EPG5: variants seen among roughly 807,000 people sequenced by gnomAD.
EPG5 encodes the protein ectopic P granules protein 5 homolog.
Under a neutral mutation model 302.7 loss-of-function variants are expected in EPG5, and 159 were observed. The observed-to-expected ratio is 0.53, with a 90% CI of 0.46 to 0.60. The LOEUF (loss-of-function observed/expected upper bound fraction) is 0.60. EPG5 is among the 20% of genes least tolerant of loss of function. The probability of loss-of-function intolerance (pLI) is 0.00; values close to 1 mark genes in which losing one functional copy is unlikely to be tolerated. For missense variants in EPG5, 2,896 were observed against 3,092.4 expected (o/e 0.94, Z 1.51); for synonymous variants, 1,158 against 1,136.8 (o/e 1.02, Z -0.37).
the EPG5 span, among the ~76,000 whole-genome samples, chr18:45,841,803 A>G: frequency 6.6e-6 from 1 of 152,194 alleles, no homozygotes; most frequent in Non-Finnish European, 1.5e-5. Flanking sequence ...AAGTCAGGAA[A>G]GCAGTTGGGG....
intron 10 of EPG5, among the ~76,000 whole-genome samples, chr18:45,937,283 T>G (rs2050554961): frequency 6.8e-6 from 1 of 146,606 alleles, no homozygotes. Context: ...CACACATATG[T>G]ATACACACAC....
At chr18:45,925,683 T>C in intron 14 of EPG5, 55 bp downstream of exon 14, 11 of 1,336,862 alleles carry the variant, frequency 8.2e-6, no homozygotes, top group Non-Finnish European at 1.1e-5. Flanking sequence ...AAATCCTTCT[T>C]TGAAACAGAT....
the EPG5 span, among the ~76,000 whole-genome samples, chr18:45,801,145 T>C: frequency 7.9e-5 from 12 of 152,296 alleles, no homozygotes; most frequent in African/African-American, 2.6e-4. Flanking sequence ...CAAGCAGTTC[T>C]CCTGCCTTAG....
intron 35 of EPG5, among the ~76,000 whole-genome samples, chr18:45,875,678 C>T (rs1022691380): frequency 5.3e-5 from 8 of 152,020 alleles, no homozygotes; most frequent in African/African-American, 1.5e-4. Context: ...ACATGCAGGA[C>T]AGGCAATATT....
chr18:45,906,296 CCAAA>C (rs2049749892), intron 24 of EPG5, among the ~76,000 whole-genome samples: 1 of 152,142 alleles, frequency 6.6e-6, no homozygotes, highest in Non-Finnish European at 1.5e-5. Context: ...CAATAGTTCT[CCAAA>C]CAAAGACTTC....
At chr18:45,811,793 A>C in the EPG5 span, among the ~76,000 whole-genome samples, 2 of 152,218 alleles carry the variant, frequency 1.3e-5, no homozygotes, top group African/African-American at 2.4e-5. Flanking sequence ...ATTTATGACA[A>C]ACCCACAGCC....
In EPG5 at chr18:45,889,859, C is replaced by G; in HGVS notation, c.4891G>C (p.Ala1631Pro). 1.9e-6 allele frequency: 3 copies of G among 1,612,336 alleles called. No homozygotes were observed. The highest frequency in any genetic ancestry group is 2.5e-6 in the Non-Finnish European group (3 of 1,179,054). Residue 1631 changes from alanine to proline, a missense_variant, in exon 28 of 44, where the codon GCT (alanine) becomes CCT (proline). By Grantham distance (27) the Ala-to-Pro change is conservative. Coordinates refer to ENST00000282041, the MANE Select transcript of EPG5 (RefSeq NM_020964.3). ...ATATTAAGTGATGGTGGTTTAGCAGCTTCTGCTTGCAACTGCTTCACTTCC... is the reference window on the plus strand; with the variant it reads ...ATATTAAGTGATGGTGGTTTAGCAGGTTCTGCTTGCAACTGCTTCACTTCC... ...RKEVKQLQAE[A>P]AKPPSLNIVE...
At chr18:45,876,368 A>G in intron 34 of EPG5, 26 bp from the exon 35 acceptor site, 1 of 1,572,088 alleles carries the variant, frequency 6.4e-7, no homozygotes, top group Non-Finnish European at 8.8e-7. Context: ...GCACACACTT[A>G]GGAATGCAAC....
chr18:45,864,000 T>C (rs972911763), intron 39 of EPG5, among the ~76,000 whole-genome samples: 1 of 152,196 alleles, frequency 6.6e-6, no homozygotes, highest in Non-Finnish European at 1.5e-5. Flanking sequence ...CAGATATTGC[T>C]TCTCCCCAGT....
chr18:45,803,162 C>T, the EPG5 span, among the ~76,000 whole-genome samples: 49 of 152,300 alleles, frequency 3.2e-4, no homozygotes, highest in Middle Eastern at 3.4e-3. Context: ...TCATTTGAGA[C>T]ATTTCTCAGA....
chr18:45,879,445 G>A (rs372241815), intron 32 of EPG5, among the ~76,000 whole-genome samples: 4 of 152,246 alleles, frequency 2.6e-5, no homozygotes, highest in South Asian at 2.1e-4. Flanking sequence ...TTGGCTCATC[G>A]CAACCTCCGC....
the EPG5 span, among the ~76,000 whole-genome samples, chr18:45,809,617 T>TGATC: frequency 3.9e-5 from 6 of 152,212 alleles, no homozygotes; most frequent in Admixed American, 3.3e-4. Flanking sequence ...TGTTCCTGAA[T>TGATC]GATCATTGGG....
In EPG5 at chr18:45,852,652, A is replaced by C; in HGVS notation, c.7558-3T>G. ...ATGGATTCAAGAGCATTCAGAGCCT[A>C]AAAGACACGGAAGATGAGAGGGTTA... On this transcript the variant is annotated splice_region_variant and splice_polypyrimidine_tract_variant and intron_variant, in intron 43 of 43. Coordinates refer to ENST00000282041, the MANE Select transcript of EPG5 (RefSeq NM_020964.3). 6.2e-7 allele frequency: 1 copy of C among 1,613,532 alleles called. No individual in the cohort carries two copies.
the EPG5 span, among the ~76,000 whole-genome samples, chr18:45,806,037 T>G: frequency 6.6e-6 from 1 of 152,208 alleles, no homozygotes; most frequent in Non-Finnish European, 1.5e-5. Context: ...ATAAACTCAC[T>G]GTTTGAAATT....
At chr18:45,839,004 C>T in the EPG5 span, 1 of 1,593,864 alleles carries the variant, frequency 6.3e-7, no homozygotes, top group Non-Finnish European at 8.5e-7. Context: ...CCAGCGGGGC[C>T]TCGACGGTCG....
the EPG5 span, among the ~76,000 whole-genome samples, chr18:45,841,736 T>C: frequency 6.6e-6 from 1 of 152,124 alleles, no homozygotes; most frequent in African/African-American, 2.4e-5. Context: ...GGTGTGAGGG[T>C]CATGCGTAGC....
intron 24 of EPG5, among the ~76,000 whole-genome samples, chr18:45,904,566 A>G (rs1046935584): frequency 7.2e-5 from 11 of 152,222 alleles, no homozygotes; most frequent in Admixed American, 7.2e-4. Context: ...AGATACAATT[A>G]GCAAAATCCA....
Position 45,955,134 on chromosome 18 carries a change from T to C in EPG5, c.268A>G (p.Ile90Val), listed in dbSNP as rs1421016158. Residue 90 changes from isoleucine (I) to valine (V), a missense_variant, in exon 2 of 44, where the codon ATA (isoleucine) becomes GTA (valine). Physicochemically the swap from Ile to Val is conservative, Grantham distance 29 (BLOSUM62 3). This residue lies in a region of EPG5 where 1,390 missense variants were observed against 1,430.0 expected (regional missense o/e 0.97). Transcript: ENST00000282041. ...MFDVPLTSLT[I>V]SNEESLTCNT... ...CACGTCAGGGACTCTTCATTGCTTA[T>C]AGTTAAGGAGGTGAGTGGTACATCA... 36 of 1,613,968 alleles carry C rather than the reference T, an allele frequency of 2.2e-5. No individual in the cohort carries two copies. Among genetic ancestry groups the C allele is most frequent in the Middle Eastern group, 1.6e-4 (1 of 6,082 alleles).
intron 38 of EPG5, among the ~76,000 whole-genome samples, 176 bp downstream of exon 38, chr18:45,866,622 C>T (rs2048753662): frequency 6.6e-6 from 1 of 151,988 alleles, no homozygotes; most frequent in Non-Finnish European, 1.5e-5. Flanking sequence ...AAAAGTTCAC[C>T]CAAAGGGAGA....
Sources: gnomAD v4.1 joint callset for allele counts (sites outside exome capture counted in the v4.1 genomes callset) on GRCh38, gnomAD v4.1.1 for gene constraint, gnomAD v4.1.1 regional missense constraint, MANE v1.5 for transcripts, NCBI Gene and HGNC (gene_info 2026-07-23, HGNC 2026-07-21) for gene names.